BIRC2: variants seen among roughly 807,000 people sequenced by gnomAD.
BIRC2 encodes the protein baculoviral IAP repeat containing 2, also known as baculoviral IAP repeat-containing protein 2.
In BIRC2, 18 loss-of-function variants were observed where a neutral mutation model predicts 60.9. The observed-to-expected ratio is 0.30, with a 90% CI of 0.20 to 0.44. The LOEUF (loss-of-function observed/expected upper bound fraction) is 0.44, where lower values mean the gene tolerates loss of function less well. Ranked by LOEUF, BIRC2 falls within the 20% of genes least tolerant of loss-of-function variation. The probability of loss-of-function intolerance (pLI) is 1.00; values close to 1 mark genes in which losing one functional copy is unlikely to be tolerated. For missense variants in BIRC2, 701 were observed against 728.5 expected (o/e 0.96, Z 0.43); for synonymous variants, 282 against 247.7 (o/e 1.14, Z -1.30).
Position 102,350,026 on chromosome 11 carries a change from G to A in BIRC2, c.172G>A (p.Ala58Thr), listed in dbSNP as rs190798003. ...YRMSTYSTFP[A>T]GVPVSERSLA... ...AATGTCTACATATTCAACTTTCCCC[G>A]CCGGGGTGCCTGTCTCAGAAAGGAG... The change falls in exon 2 of 9, where the codon GCC (alanine) becomes ACC (threonine). Residue 58 changes from alanine to threonine, a missense_variant. Ala to Thr is a moderately conservative substitution (Grantham distance 58). This residue lies in a region of BIRC2 where 375 missense variants were observed against 365.9 expected (regional missense o/e 1.02). Coordinates refer to ENST00000227758, the MANE Select transcript of BIRC2 (RefSeq NM_001166.5). 20 of 1,614,128 alleles carry A rather than the reference G, an allele frequency of 1.2e-5. No homozygotes were observed. The highest frequency in any genetic ancestry group is 1.5e-5 in the Non-Finnish European group (18 of 1,180,014).
Position 102,378,319 on chromosome 11 carries a change from A to G in BIRC2, c.*136A>G, listed in dbSNP as rs193161452. On this transcript the variant is annotated 3_prime_UTR_variant, in exon 9 of 9. Coordinates refer to ENST00000227758, the MANE Select transcript of BIRC2 (RefSeq NM_001166.5). ...TCATGTTCTAGTCTGCTTTGGTACT[A>G]ATAATCTTGTTTCTGAAAAGATGGT... 1.2e-4 allele frequency: 80 copies of G among 641,882 alleles called. No individual in the cohort carries two copies. Among genetic ancestry groups the G allele is most frequent in the East Asian group, 1.1e-3 (38 of 33,584 alleles). The allele number at this position is 641,882 out of a possible 1,614,324, so 39.8% of individuals were successfully genotyped here.
At chr11:102,348,183 A>C (rs919440668) in intron 1 of BIRC2, 2 of 152,228 alleles carry the variant, frequency 1.3e-5, no homozygotes, top group African/African-American at 4.8e-5. Context: ...GATATTACAA[A>C]CTAACGTTGC....
intron 5 of BIRC2, among the ~76,000 whole-genome samples, chr11:102,368,100 T>A (rs1185978679): frequency 6.6e-6 from 1 of 152,230 alleles, no homozygotes; most frequent in Admixed American, 6.5e-5. Context: ...AGGTGGGTTT[T>A]GTAAAAAGTA....
intron 6 of BIRC2, among the ~76,000 whole-genome samples, chr11:102,376,764 G>A (rs1951719360): frequency 6.6e-6 from 1 of 152,066 alleles, no homozygotes; most frequent in East Asian, 1.9e-4. Context: ...AGTTAACTAT[G>A]TACCACATAT....
At chr11:102,355,409 A>G (rs1376261139) in intron 3 of BIRC2, among the ~76,000 whole-genome samples, 1 of 152,186 alleles carries the variant, frequency 6.6e-6, no homozygotes. Context: ...TGCCCTTGTC[A>G]AAGATTAATT....
At chr11:102,358,430 TC>T (rs1224286262) in intron 3 of BIRC2, among the ~76,000 whole-genome samples, 2 of 152,150 alleles carry the variant, frequency 1.3e-5, no homozygotes, top group African/African-American at 4.8e-5. Context: ...TCAAAACACT[TC>T]TAGTCCCAAG....
intron 3 of BIRC2, among the ~76,000 whole-genome samples, chr11:102,356,659 ATAT>A (rs371049106): frequency 2.7e-5 from 4 of 148,276 alleles, no homozygotes; most frequent in East Asian, 3.9e-4. Context: ...TGAGATGTTT[ATAT>A]TATTATTATT....
At chr11:102,377,151 A>AT (rs1196513760) in intron 6 of BIRC2, among the ~76,000 whole-genome samples, 1 of 152,192 alleles carries the variant, frequency 6.6e-6, no homozygotes, top group Non-Finnish European at 1.5e-5. Flanking sequence ...AATGAGACAA[A>AT]TTACTATGAA....
Position 102,349,695 on chromosome 11 carries a change from C to T in BIRC2, c.-160C>T, listed in dbSNP as rs1951331629. 2 of 731,858 alleles carry T rather than the reference C, an allele frequency of 2.7e-6. No homozygotes were observed. Among genetic ancestry groups the T allele is most frequent in the Non-Finnish European group, 2.2e-6 (1 of 463,534 alleles). The allele number at this position is 731,858 out of a possible 1,614,324, so 45.3% of individuals were successfully genotyped here. On this transcript the variant is annotated 5_prime_UTR_variant, in exon 2 of 9. Coordinates refer to ENST00000227758, the MANE Select transcript of BIRC2 (RefSeq NM_001166.5). Reference sequence around the variant, plus strand: ...TATCTTGGTAATTCAGAGAGATACTCATCCTACCTGAATATAAACTGAGAT... The same window carrying T: ...TATCTTGGTAATTCAGAGAGATACTTATCCTACCTGAATATAAACTGAGAT...
At position 102,378,080 on chromosome 11, in the gene BIRC2, C is replaced by T. The variant is rs141940436; in HGVS notation, c.1754C>T (p.Pro585Leu). Residue 585 changes from proline to leucine, a missense_variant, in exon 9 of 9, where the codon CCT becomes CTT. Physicochemically the swap from Pro to Leu is moderately conservative, Grantham distance 98. Coordinates refer to ENST00000227758, the MANE Select transcript of BIRC2 (RefSeq NM_001166.5). Reference sequence around the variant, plus strand: ...AAAGAAGTTTCTGTTGTATTTATTCCTTGTGGTCATCTGGTAGTATGCCAG... The same window carrying T: ...AAAGAAGTTTCTGTTGTATTTATTCTTTGTGGTCATCTGGTAGTATGCCAG... ...MDKEVSVVFIPCGHLVVCQEC... is the reference protein window; with the variant it reads ...MDKEVSVVFILCGHLVVCQEC... 3 of 1,613,528 alleles carry T rather than the reference C, an allele frequency of 1.9e-6. No individual in the cohort carries two copies. The highest frequency in any genetic ancestry group is 2.5e-6 in the Non-Finnish European group (3 of 1,179,786).
At chr11:102,375,520 C>T (rs1951701121) in intron 6 of BIRC2, among the ~76,000 whole-genome samples, 1 of 152,150 alleles carries the variant, frequency 6.6e-6, no homozygotes, top group Admixed American at 6.5e-5. Context: ...GTGGCTCATG[C>T]CTGTAATCCC....
chr11:102,364,862 GAT>G (rs1214828018), intron 5 of BIRC2, among the ~76,000 whole-genome samples: 1 of 152,216 alleles, frequency 6.6e-6, no homozygotes, highest in East Asian at 1.9e-4. Flanking sequence ...ACCTAGAAAA[GAT>G]AGATAGCAGT....
intron 4 of BIRC2, among the ~76,000 whole-genome samples, chr11:102,363,450 C>T (rs1565335252): frequency 6.6e-6 from 1 of 152,098 alleles, no homozygotes; most frequent in Non-Finnish European, 1.5e-5. Flanking sequence ...TTTCTACTTT[C>T]CTGAAACTAG....
At position 102,377,913 on chromosome 11, in the gene BIRC2, T is replaced by A. The variant is rs1403715174; in HGVS notation, c.1663+15T>A. The A allele has an allele frequency of 6.2e-7, 1 of 1,609,770 alleles. No individual in the cohort carries two copies. The highest frequency in any genetic ancestry group is 1.3e-5 in the African/African-American group (1 of 74,682). On this transcript the variant is annotated intron_variant, in intron 8 of 8. Coordinates refer to ENST00000227758, the MANE Select transcript of BIRC2 (RefSeq NM_001166.5). ...AGATGTTTCAGGTAAAACAAAGATT[T>A]AAAACCAACATGAACTATTACCCTT... is the stretch of plus-strand genomic sequence containing the variant.
chr11:102,363,706 T>G lies in BIRC2; in HGVS notation c.1113T>G (p.Ala371=). 1 of 1,611,646 alleles carries G rather than the reference T, an allele frequency of 6.2e-7. No individual in the cohort carries two copies. Among genetic ancestry groups the G allele is most frequent in the Non-Finnish European group, 8.5e-7 (1 of 1,178,214 alleles). The change falls in exon 5 of 9, where the codon GCT becomes GCG. Residue 371 remains alanine, a synonymous_variant. Transcript: ENST00000227758. ...CAGATACCACTGGAGAAGAAAATGC[T>G]GACCCACCAAGTATGTATGAGATAA... ...STSDTTGEEN[A]DPPIIHFGPG... is the part of the protein sequence containing the mutation.
Position 102,362,932 on chromosome 11 carries a change from T to C in BIRC2, c.1032T>C (p.Phe344=). ...EFLIRMKGQE[F]VDEIQGRYPH... ...TGATACGAATGAAAGGCCAAGAGTT[T>C]GTTGATGAGATTCAAGGTAGATATC... The change falls in exon 4 of 9, where the codon TTT becomes TTC. Residue 344 remains phenylalanine (F), a synonymous_variant. Transcript: ENST00000227758. 1.9e-6 allele frequency: 3 copies of C among 1,613,194 alleles called. No homozygotes were observed. The highest frequency in any genetic ancestry group is 2.5e-6 in the Non-Finnish European group (3 of 1,179,474).
chr11:102,366,981 C>T (rs1231056477), intron 5 of BIRC2, among the ~76,000 whole-genome samples: 2 of 152,182 alleles, frequency 1.3e-5, no homozygotes, highest in African/African-American at 2.4e-5. Context: ...AAGGTTTTTA[C>T]ACTTGCTGTT....
In BIRC2 at chr11:102,368,474, T is replaced by A. The variant is rs1292435364; in HGVS notation, c.1292T>A (p.Val431Glu). The A allele has an allele frequency of 6.2e-7, 1 of 1,613,964 alleles. No homozygotes were observed. Among genetic ancestry groups the A allele is most frequent in the African/African-American group, 1.3e-5 (1 of 75,002 alleles). Residue 431 changes from valine to glutamate, a missense_variant, in exon 6 of 9, where the codon GTG (valine) becomes GAG (glutamate). Transcript: ENST00000227758. The stretch of plus-strand genomic sequence containing the variant: ...AACTATAAAACAGTTAATGATATTG[T>A]GTCAGCACTTCTTAATGCTGAAGAT... ...GENYKTVNDI[V>E]SALLNAEDEK...
intron 6 of BIRC2, among the ~76,000 whole-genome samples, chr11:102,374,768 C>T (rs533659850): frequency 3.3e-5 from 5 of 152,332 alleles, no homozygotes; most frequent in Admixed American, 2.6e-4. Flanking sequence ...CCCCCAGCCT[C>T]GCTGCTGCCT....
Sources: gnomAD v4.1 joint callset for allele counts (sites outside exome capture counted in the v4.1 genomes callset) on GRCh38, gnomAD v4.1.1 for gene constraint, gnomAD v4.1.1 regional missense constraint, MANE v1.5 for transcripts, NCBI Gene and HGNC (gene_info 2026-07-23, HGNC 2026-07-21) for gene names.